LRRC7: variants seen among roughly 807,000 people sequenced by gnomAD.
The protein encoded by LRRC7 is leucine-rich repeat-containing protein 7.
A neutral mutation model predicts 175.7 loss-of-function variants in LRRC7; 23 were observed. The observed-to-expected ratio is 0.13, with a 90% CI of 0.09 to 0.19. LRRC7 has a LOEUF of 0.19. Ranked by LOEUF, LRRC7 falls within the 10% of genes least tolerant of loss-of-function variation. The probability of loss-of-function intolerance (pLI) is 1.00; values close to 1 mark genes in which losing one functional copy is unlikely to be tolerated. For missense variants in LRRC7, 1,354 were observed against 1,904.7 expected, an observed-to-expected ratio of 0.71 and a Z score of 5.38; for synonymous variants, 685 against 680.9, an observed-to-expected ratio of 1.01 and a Z score of -0.09.
chr1:69,671,145 A>G (rs1452097320), intron 1 of LRRC7, among the ~76,000 whole-genome samples: 1 of 152,136 alleles, frequency 6.6e-6, no homozygotes, highest in East Asian at 1.9e-4. Flanking sequence ...AGCAAGTCTG[A>G]GTCTCACCTG....
chr1:69,726,334 T>G (rs1666972989), intron 2 of LRRC7, among the ~76,000 whole-genome samples: 1 of 152,210 alleles, frequency 6.6e-6, no homozygotes, highest in Non-Finnish European at 1.5e-5. Flanking sequence ...TCATAAAATT[T>G]TATCACCATA....
intron 2 of LRRC7, among the ~76,000 whole-genome samples, chr1:69,717,762 A>G (rs12097157): frequency 0.32 from 12,870 of 40,306 alleles, 2,365 homozygotes; most frequent in African/African-American, 0.44. Context: ...GAACATGAAA[A>G]AAAGAAAAAA....
At chr1:69,595,227 C>G (rs1001261031) in intron 1 of LRRC7, among the ~76,000 whole-genome samples, 2 of 152,086 alleles carry the variant, frequency 1.3e-5, no homozygotes, top group Non-Finnish European at 2.9e-5. Context: ...CGAGACCATC[C>G]TGGCCAACAT....
chr1:69,906,267 G>T (rs909267082), intron 7 of LRRC7, among the ~76,000 whole-genome samples: 13 of 152,122 alleles, frequency 8.5e-5, no homozygotes, highest in South Asian at 4.1e-4. Flanking sequence ...AGTTTAATTA[G>T]ATCCCATTTG....
At chr1:70,112,144 A>G (rs1288211876) in intron 26 of LRRC7, among the ~76,000 whole-genome samples, 1 of 152,218 alleles carries the variant, frequency 6.6e-6, no homozygotes, top group Non-Finnish European at 1.5e-5. Context: ...CCTTGGCCCA[A>G]CAATTCATAT....
chr1:70,103,790 G>T (rs781585474), intron 25 of LRRC7, among the ~76,000 whole-genome samples: 5 of 152,040 alleles, frequency 3.3e-5, no homozygotes, highest in Non-Finnish European at 7.4e-5. Context: ...AATGCTTCAT[G>T]GTATGTAAAT....
chr1:69,607,380 C>T (rs541687317), intron 1 of LRRC7: 2 of 152,194 alleles, frequency 1.3e-5, no homozygotes, highest in Admixed American at 1.3e-4. Context: ...AGTGATATAA[C>T]ACAAAATTAA....
chr1:69,813,107 A>C (rs757166171), intron 4 of LRRC7, among the ~76,000 whole-genome samples: 14 of 152,062 alleles, frequency 9.2e-5, no homozygotes, highest in Non-Finnish European at 1.6e-4. Flanking sequence ...CAGAACCACC[A>C]ATCCATTATA....
chr1:70,053,269 C>A, intron 23 of LRRC7, 124 bp downstream of exon 23: 1 of 868,578 alleles, frequency 1.2e-6, no homozygotes, highest in Non-Finnish European at 1.6e-6. Flanking sequence ...AAATATTATG[C>A]TACTACACGA....
intron 7 of LRRC7, chr1:69,874,225 T>A (rs933570519): frequency 6.6e-6 from 1 of 152,178 alleles, no homozygotes; most frequent in African/African-American, 2.4e-5. Context: ...CAATGGCTTA[T>A]AGCATTTCAA....
chr1:69,920,561 TA>T (rs1646860388), intron 7 of LRRC7, among the ~76,000 whole-genome samples: 1 of 152,156 alleles, frequency 6.6e-6, no homozygotes, highest in Non-Finnish European at 1.5e-5. Context: ...TTTCTTTTAA[TA>T]AAATTAGTTT....
At chr1:69,921,534 CA>C (rs1316966882) in intron 7 of LRRC7, among the ~76,000 whole-genome samples, 2 of 152,142 alleles carry the variant, frequency 1.3e-5, no homozygotes, top group African/African-American at 4.8e-5. Flanking sequence ...ATCTGACATC[CA>C]ATCAGTCATC....
At chr1:69,680,125 C>A (rs565898802) in intron 2 of LRRC7, among the ~76,000 whole-genome samples, 2 of 152,242 alleles carry the variant, frequency 1.3e-5, no homozygotes, top group Admixed American at 6.6e-5. Flanking sequence ...GCAGCAGCAG[C>A]AGCAGCATCT....
chr1:69,607,753 A>G (rs1042383265), intron 1 of LRRC7: 7 of 152,150 alleles, frequency 4.6e-5, no homozygotes, highest in African/African-American at 1.7e-4. Flanking sequence ...TAGATTAGGT[A>G]CAGTTCTATC....
At chr1:69,956,633 A>C (rs1055294929) in intron 8 of LRRC7, among the ~76,000 whole-genome samples, 39 of 151,792 alleles carry the variant, frequency 2.6e-4, no homozygotes, top group African/African-American at 9.2e-4. Flanking sequence ...CAATAGTTAC[A>C]TCATTTCTAT....
In LRRC7 at chr1:69,946,865, G is replaced by T. The variant is rs141686411; in HGVS notation, c.711+15295G>T. On this transcript the variant is annotated intron_variant, in intron 8 of 26. Transcript: ENST00000651989. ...GGCTGAGATGGGTGGATCACCTGAG[G>T]TTGGGAGTTCAAGACCAGCCTGGCC... 8.1e-3 allele frequency among the ~76,000 whole-genome samples: 1,231 copies of T among 152,038 alleles called. 14 individuals carry two copies. Among genetic ancestry groups the T allele is most frequent in the African/African-American group, 0.027 (1,126 of 41,458 alleles).
intron 2 of LRRC7, among the ~76,000 whole-genome samples, chr1:69,679,527 T>C (rs1413588840): frequency 1.3e-5 from 2 of 152,060 alleles, no homozygotes; most frequent in Non-Finnish European, 2.9e-5. Context: ...TTGGCCTTCT[T>C]TAACCTGGTA....
chr1:69,946,466 G>A (rs575051194), intron 8 of LRRC7, among the ~76,000 whole-genome samples: 39 of 152,004 alleles, frequency 2.6e-4, no homozygotes, highest in Middle Eastern at 3.4e-3. Context: ...TTATTGATCT[G>A]GAATGTTCTA....
intron 3 of LRRC7, among the ~76,000 whole-genome samples, chr1:69,770,420 C>G (rs555205239): frequency 6.6e-6 from 1 of 152,130 alleles, no homozygotes; most frequent in South Asian, 2.1e-4. Context: ...CTAATGAGAT[C>G]AAAGGAGCCA....
Sources: gnomAD v4.1 joint callset for allele counts (sites outside exome capture counted in the v4.1 genomes callset) on GRCh38, gnomAD v4.1.1 for gene constraint, MANE v1.5 for transcripts, NCBI Gene and HGNC (gene_info 2026-07-23, HGNC 2026-07-21) for gene names.